GNG2: variants seen among roughly 807,000 people sequenced by gnomAD.
The protein encoded by GNG2 is guanine nucleotide-binding protein G(I)/G(S)/G(O) subunit gamma-2.
A neutral mutation model predicts 5.5 loss-of-function variants in GNG2; 5 were observed. The observed-to-expected ratio is 0.91, with a 90% CI of 0.48 to 1.92. The LOEUF is 1.92. Ranked by LOEUF, GNG2 falls within the 30% of genes most tolerant of loss-of-function variation. The pLI, the probability that GNG2 is intolerant of heterozygous loss-of-function variation, is 0.01. For synonymous variants in GNG2, 28 were observed against 32.0 expected (o/e 0.88, Z 0.42); for missense variants, 55 against 88.4 (o/e 0.62, Z 1.52).
At chr14:51,855,345 C>A (rs1389221801) in intron 2 of GNG2, among the ~76,000 whole-genome samples, 4 of 152,170 alleles carry the variant, frequency 2.6e-5, no homozygotes, top group African/African-American at 9.7e-5. Flanking sequence ...ACTCTCTCTC[C>A]AGAAAGATTA....
chr14:51,923,828 C>G (rs907622026), intron 2 of GNG2, among the ~76,000 whole-genome samples: 1 of 151,996 alleles, frequency 6.6e-6, no homozygotes, highest in Non-Finnish European at 1.5e-5. Flanking sequence ...GGAAAGGATC[C>G]CAGATTCCCT....
intron 3 of GNG2, among the ~76,000 whole-genome samples, chr14:51,955,565 A>AT (rs897110582): frequency 1.3e-5 from 2 of 152,204 alleles, no homozygotes; most frequent in African/African-American, 4.8e-5. Context: ...AAATTTGTGT[A>AT]TTAAGAGTGT....
intron 2 of GNG2, among the ~76,000 whole-genome samples, chr14:51,922,466 G>A (rs1418750892): frequency 6.6e-6 from 1 of 152,140 alleles, no homozygotes; most frequent in Non-Finnish European, 1.5e-5. Context: ...CGAGGGGGAA[G>A]ACTCCAAGGG....
chr14:51,921,141 A>C, intron 2 of GNG2, among the ~76,000 whole-genome samples: 1 of 152,288 alleles, frequency 6.6e-6, no homozygotes, highest in East Asian at 1.9e-4. Flanking sequence ...TGGGAACCAG[A>C]TTGTGAGGGT....
At chr14:51,954,039 CG>C (rs1889135613) in intron 3 of GNG2, among the ~76,000 whole-genome samples, 1 of 152,128 alleles carries the variant, frequency 6.6e-6, no homozygotes, top group South Asian at 2.1e-4. Context: ...CTTAAGCAGG[CG>C]GTGGCCTTAT....
intron 2 of GNG2, among the ~76,000 whole-genome samples, chr14:51,882,785 G>A (rs568203965): frequency 1.1e-4 from 17 of 152,084 alleles, no homozygotes; most frequent in African/African-American, 4.1e-4. Flanking sequence ...CGAGGCAGGC[G>A]GATCACGAGG....
intron 3 of GNG2, among the ~76,000 whole-genome samples, chr14:51,963,172 G>T (rs529368001): frequency 3.9e-5 from 6 of 152,272 alleles, no homozygotes; most frequent in Non-Finnish European, 8.8e-5. Context: ...ACAGGAGATT[G>T]CAGTCTTGTT....
Position 51,877,618 on chromosome 14 carries a change from C to T in GNG2, c.-69C>T, listed in dbSNP as rs749449156. The T allele has an allele frequency of 4.4e-6, 2 of 455,968 alleles. No individual in the cohort carries two copies. The highest frequency in any genetic ancestry group is 3.1e-5 in the South Asian group (2 of 64,426). The allele number at this position is 455,968 out of a possible 1,614,324, so 28.2% of individuals were successfully genotyped here. ...TTTTTCTCTCTGCTTTCTCAACAGC[C>T]AGATCTGCCAGTGAGCCTCAGGCTT... On this transcript the variant is annotated splice_region_variant and 5_prime_UTR_variant, in exon 2 of 4. Coordinates refer to ENST00000556766, the MANE Select transcript of GNG2 (RefSeq NM_053064.5).
intron 3 of GNG2, among the ~76,000 whole-genome samples, chr14:51,962,241 G>A (rs115531701): frequency 0.018 from 2,802 of 151,946 alleles, 92 homozygotes; most frequent in African/African-American, 0.065. Context: ...AAATATATGT[G>A]ATGTAGTTAT....
intron 3 of GNG2, among the ~76,000 whole-genome samples, chr14:51,965,240 T>A (rs1230200112): frequency 6.6e-6 from 1 of 152,186 alleles, no homozygotes. Flanking sequence ...TTCACCCAAA[T>A]CTTAAATTAG....
At chr14:51,950,619 G>T (rs761174043) in intron 2 of GNG2, 31 bp from the exon 3 acceptor site, 1 of 1,319,156 alleles carries the variant, frequency 7.6e-7, no homozygotes, top group Non-Finnish European at 1.1e-6. Context: ...TGAATTCTCT[G>T]GTACAATCTT....
At chr14:51,960,366 T>A (rs2140301210) in intron 3 of GNG2, among the ~76,000 whole-genome samples, 1 of 152,332 alleles carries the variant, frequency 6.6e-6, no homozygotes, top group South Asian at 2.1e-4. Flanking sequence ...TGTCTTTTTA[T>A]CATGTGTTGA....
At chr14:51,851,342 T>G (rs1234520832) in intron 2 of GNG2, among the ~76,000 whole-genome samples, 4 of 152,252 alleles carry the variant, frequency 2.6e-5, no homozygotes, top group Admixed American at 2.6e-4. Context: ...GCTTTGATCA[T>G]AAGATGCACT....
At chr14:51,828,403 CAGA>C (rs1260674158) in intron 2 of GNG2, among the ~76,000 whole-genome samples, 1 of 152,158 alleles carries the variant, frequency 6.6e-6, no homozygotes, top group Non-Finnish European at 1.5e-5. Flanking sequence ...AAAGCAGGAC[CAGA>C]AGAACCTTGA....
intron 2 of GNG2, among the ~76,000 whole-genome samples, chr14:51,882,555 T>C (rs184913885): frequency 2.4e-4 from 37 of 152,336 alleles, no homozygotes; most frequent in Admixed American, 4.6e-4. Flanking sequence ...TGTTTATTCT[T>C]AAGATGTGTA....
At chr14:51,952,033 G>A in intron 3 of GNG2, 1 of 618,900 alleles carries the variant, frequency 1.6e-6, no homozygotes, top group Non-Finnish European at 2.9e-6. Flanking sequence ...TCAGGCATCA[G>A]TATTTTTTAA....
chr14:51,953,409 G>T (rs1394394891), intron 3 of GNG2, among the ~76,000 whole-genome samples: 1 of 152,254 alleles, frequency 6.6e-6, no homozygotes, highest in African/African-American at 2.4e-5. Context: ...TATCCAAGAA[G>T]CATAGTTACC....
chr14:51,861,800 A>G (rs1420765735), intron 1 of GNG2, among the ~76,000 whole-genome samples: 1 of 152,222 alleles, frequency 6.6e-6, no homozygotes, highest in East Asian at 1.9e-4. Context: ...TAATACCCTC[A>G]TGCAGCACGA....
chr14:51,958,423 T>C (rs1889391168), intron 3 of GNG2, among the ~76,000 whole-genome samples: 1 of 130,970 alleles, frequency 7.6e-6, no homozygotes, highest in Admixed American at 8.0e-5. Flanking sequence ...AATCAGTCTG[T>C]CTCTCTCTCT....
Sources: gnomAD v4.1 joint callset for allele counts (sites outside exome capture counted in the v4.1 genomes callset) on GRCh38, gnomAD v4.1.1 for gene constraint, MANE v1.5 for transcripts, NCBI Gene and HGNC (gene_info 2026-07-23, HGNC 2026-07-21) for gene names.